Variants in EYS observed in about 807,000 individuals in gnomAD.
EYS encodes EGF-like photoreceptor maintenance factor.
In EYS, 250 loss-of-function variants were observed where a neutral mutation model predicts 282.1. That is an observed-to-expected ratio of 0.89 (90% CI 0.80 to 0.98). EYS has a LOEUF of 0.98. Ranked by LOEUF, EYS falls within the 50% of genes least tolerant of loss-of-function variation. EYS has a pLI of 0.00. For missense variants in EYS, 4,016 were observed against 3,709.0 expected (o/e 1.08, Z -2.15); for synonymous variants, 1,355 against 1,282.9 (o/e 1.06, Z -1.20).
At chr6:64,940,321 T>G (rs943187447) in intron 15 of EYS, among the ~76,000 whole-genome samples, 13 of 151,798 alleles carry the variant, frequency 8.6e-5, no homozygotes, top group African/African-American at 3.1e-4. Flanking sequence ...GCCAACAGCA[T>G]CAACACACAC....
intron 26 of EYS, among the ~76,000 whole-genome samples, chr6:64,464,849 G>T (rs187081177): frequency 1.3e-5 from 2 of 152,010 alleles, no homozygotes; most frequent in African/African-American, 4.8e-5. Context: ...TCAACCAAAT[G>T]TAAACTACAG....
intron 22 of EYS, among the ~76,000 whole-genome samples, chr6:64,785,176 T>A (rs1319603204): frequency 1.3e-5 from 2 of 152,224 alleles, no homozygotes; most frequent in African/African-American, 4.8e-5. Context: ...CTACTTCAGT[T>A]GCCAGCGTTT....
chr6:65,473,856 A>AG (rs1765304534), intron 5 of EYS, among the ~76,000 whole-genome samples: 1 of 151,790 alleles, frequency 6.6e-6, no homozygotes, highest in Non-Finnish European at 1.5e-5. Context: ...TCAAAAAAAA[A>AG]AAAAAGGAAA....
At chr6:64,306,039 C>A (rs912205786) in intron 30 of EYS, among the ~76,000 whole-genome samples, 1 of 152,000 alleles carries the variant, frequency 6.6e-6, no homozygotes, top group Non-Finnish European at 1.5e-5. Flanking sequence ...AACAAAGAAA[C>A]AATCCAATTC....
rs565491284 is a variant in EYS, at chr6:64,503,410, A to T, written c.5645-64058T>A. Among the ~76,000 whole-genome samples the T allele has an allele frequency of 2.6e-5, 4 of 152,324 alleles. No individual in the cohort carries two copies. In the South Asian group the frequency reaches 8.3e-4, roughly 32 times the overall value. On this transcript the variant is annotated intron_variant, in intron 26 of 42. Transcript: ENST00000503581. ...AATCAAAGGTTACTTATTCTTAGGT[A>T]AATGTGATGATGCTTTTTGAGAAAA...
rs1554202833 is a variant in EYS, at chr6:65,494,798, G to A, written c.613C>T (p.Pro205Ser). The change falls in exon 4 of 43, where the codon CCA (proline) becomes TCA (serine). Residue 205 changes from proline (P) to serine (S), a missense_variant. Transcript: ENST00000503581. ...TCCTGGCAGTATTTTCCAGAAAATG[G>A]AGGCTGGCAATGGCAGCTATATGTC... is the stretch of plus-strand genomic sequence containing the variant. ...SKTYSCHCQP[P>S]FSGKYCQELD... 3.7e-6 allele frequency: 6 copies of A among 1,614,044 alleles called. No individual in the cohort carries two copies. The highest frequency in any genetic ancestry group is 5.1e-6 in the Non-Finnish European group (6 of 1,180,014).
intron 36 of EYS, among the ~76,000 whole-genome samples, chr6:63,809,115 G>A (rs1770976916): frequency 6.6e-6 from 1 of 152,070 alleles, no homozygotes; most frequent in Non-Finnish European, 1.5e-5. Context: ...AAAAAGGTAG[G>A]GCCTCTGTGG....
intron 19 of EYS, among the ~76,000 whole-genome samples, chr6:64,844,732 T>C (rs1197403515): frequency 1.3e-5 from 2 of 152,154 alleles, no homozygotes; most frequent in African/African-American, 4.8e-5. Context: ...TGTTCCAACT[T>C]TGGACTTTTA....
intron 29 of EYS, among the ~76,000 whole-genome samples, chr6:64,387,767 C>G (rs1561964621): frequency 6.6e-6 from 1 of 152,072 alleles, no homozygotes; most frequent in Non-Finnish European, 1.5e-5. Context: ...AAATCTGAAT[C>G]TAAATCTCTG....
chr6:64,420,386 G>T (rs537979860), intron 28 of EYS, among the ~76,000 whole-genome samples: 1 of 152,262 alleles, frequency 6.6e-6, no homozygotes, highest in African/African-American at 2.4e-5. Context: ...ACATGCCCTG[G>T]AGATATTTTC....
At chr6:65,417,734 T>C (rs1767295608) in intron 5 of EYS, among the ~76,000 whole-genome samples, 1 of 152,034 alleles carries the variant, frequency 6.6e-6, no homozygotes, top group Admixed American at 6.6e-5. Flanking sequence ...CAGCAACTTT[T>C]ATAAAGTAGA....
At chr6:63,990,736 C>G (rs1193474391) in intron 34 of EYS, among the ~76,000 whole-genome samples, 1 of 151,626 alleles carries the variant, frequency 6.6e-6, no homozygotes, top group African/African-American at 2.4e-5. Context: ...GGGCTTCTGT[C>G]TCACTAGTTT....
intron 12 of EYS, among the ~76,000 whole-genome samples, chr6:65,235,869 T>C (rs905011466): frequency 6.6e-6 from 1 of 152,058 alleles, no homozygotes; most frequent in African/African-American, 2.4e-5. Flanking sequence ...AATGACTCTT[T>C]AAAGGGAAAA....
chr6:65,263,003 A>C (rs575022715), intron 12 of EYS, among the ~76,000 whole-genome samples: 1 of 152,152 alleles, frequency 6.6e-6, no homozygotes, highest in Non-Finnish European at 1.5e-5. Flanking sequence ...CAATCAAAAC[A>C]TATAAAAAGG....
intron 31 of EYS, among the ~76,000 whole-genome samples, chr6:64,119,344 C>T (rs1014359491): frequency 8.5e-5 from 13 of 152,186 alleles, no homozygotes; most frequent in Admixed American, 4.6e-4. Context: ...GCTTACGATA[C>T]GTATACCACT....
chr6:65,543,238 G>GCTCCTGACTTCA (rs201482230), intron 2 of EYS, among the ~76,000 whole-genome samples: 1 of 150,810 alleles, frequency 6.6e-6, no homozygotes, highest in Non-Finnish European at 1.5e-5. Context: ...AGGCTGGTCA[G>GCTCCTGACTTCA]GATGAACAAC....
chr6:64,274,143 C>G (rs1475849225), intron 30 of EYS, among the ~76,000 whole-genome samples: 1 of 152,138 alleles, frequency 6.6e-6, no homozygotes, highest in Non-Finnish European at 1.5e-5. Context: ...ACGCTATGGC[C>G]CTGCTTACTT....
At chr6:64,407,990 G>C (rs944824635) in intron 28 of EYS, among the ~76,000 whole-genome samples, 1 of 152,068 alleles carries the variant, frequency 6.6e-6, no homozygotes, top group Non-Finnish European at 1.5e-5. Context: ...GCCTCTTCAA[G>C]TGCTGGGATT....
In EYS at chr6:63,749,164, G is replaced by A. The variant is rs139585594; in HGVS notation, c.8071+13297C>T. Among the ~76,000 whole-genome samples the A allele has an allele frequency of 9.6e-3, 1,455 of 152,286 alleles. 14 individuals are homozygous for A. Among genetic ancestry groups the A allele is most frequent in the Non-Finnish European group, 0.015 (1,026 of 68,030 alleles). On this transcript the variant is annotated intron_variant, in intron 41 of 42. Transcript: ENST00000503581. ...TTGACACTGTCTTAGCTGTGTCCCA[G>A]AGATCCTGGTGTGTTGTATCTTTGT...
Sources: gnomAD v4.1 joint callset for allele counts (sites outside exome capture counted in the v4.1 genomes callset) on GRCh38, gnomAD v4.1.1 for gene constraint, MANE v1.5 for transcripts, NCBI Gene and HGNC (gene_info 2026-07-23, HGNC 2026-07-21) for gene names.